ZNF385D: variants seen among roughly 807,000 people sequenced by gnomAD.
ZNF385D encodes zinc finger protein 385D.
Under a neutral mutation model 35.8 loss-of-function variants are expected in ZNF385D, and 15 were observed. That is an observed-to-expected ratio of 0.42 (90% CI 0.28 to 0.64). The LOEUF is 0.64. ZNF385D is among the 30% of genes least tolerant of loss of function. The pLI, the probability that ZNF385D is intolerant of heterozygous loss-of-function variation, is 0.23. For synonymous variants in ZNF385D, 212 were observed against 186.8 expected (o/e 1.13, Z -1.10); for missense variants, 474 against 494.6 (o/e 0.96, Z 0.39).
intron 3 of ZNF385D, among the ~76,000 whole-genome samples, chr3:22,097,613 G>A (rs1488556949): frequency 6.6e-6 from 1 of 151,994 alleles, no homozygotes; most frequent in Non-Finnish European, 1.5e-5. Context: ...AATGAGAAAT[G>A]AGAGAACAAG....
chr3:21,690,692 C>T (rs2067254205), intron 1 of ZNF385D, among the ~76,000 whole-genome samples: 1 of 152,142 alleles, frequency 6.6e-6, no homozygotes, highest in Non-Finnish European at 1.5e-5. Context: ...AAAGTATGAT[C>T]CCCAGGCCAG....
chr3:21,454,600 A>G (rs938751660), intron 4 of ZNF385D, among the ~76,000 whole-genome samples: 13 of 152,260 alleles, frequency 8.5e-5, no homozygotes, highest in Middle Eastern at 6.8e-3. Flanking sequence ...CAAAATAATA[A>G]GAGCTATTTA....
chr3:22,141,908 C>T (rs1704527756), intron 3 of ZNF385D, among the ~76,000 whole-genome samples: 2 of 152,188 alleles, frequency 1.3e-5, no homozygotes, highest in Admixed American at 1.3e-4. Context: ...TGCCTTGTGG[C>T]ATTTTATTGC....
At chr3:21,906,074 G>A (rs999545737) in intron 3 of ZNF385D, among the ~76,000 whole-genome samples, 3 of 152,084 alleles carry the variant, frequency 2.0e-5, no homozygotes, top group African/African-American at 4.8e-5. Flanking sequence ...TTAAACTTCC[G>A]CATATCCATC....
At chr3:22,294,421 AAT>A (rs1238191461) in intron 2 of ZNF385D, among the ~76,000 whole-genome samples, 2 of 152,080 alleles carry the variant, frequency 1.3e-5, no homozygotes. Context: ...TTATTTCATT[AAT>A]ATGTTATAAT....
chr3:21,707,874 G>C (rs925900942), intron 1 of ZNF385D, among the ~76,000 whole-genome samples: 3 of 152,180 alleles, frequency 2.0e-5, no homozygotes, highest in African/African-American at 7.2e-5. Flanking sequence ...TGAGAAGTGA[G>C]TAAGCAGGAT....
At chr3:21,456,931 C>G (rs969573756) in intron 4 of ZNF385D, among the ~76,000 whole-genome samples, 2 of 152,034 alleles carry the variant, frequency 1.3e-5, no homozygotes, top group Non-Finnish European at 2.9e-5. Context: ...CCCTTTATCT[C>G]CCTTGCCTTT....
At chr3:21,751,499 C>T (rs2070084891), upstream of ZNF385D, 7 of 967,478 alleles carry the variant, frequency 7.2e-6, no homozygotes, top group Non-Finnish European at 8.6e-6. Flanking sequence ...ACTTTTACCC[C>T]GCCCCTCCTG....
At chr3:21,802,159 C>G (rs766154530) in intron 3 of ZNF385D, among the ~76,000 whole-genome samples, 1 of 151,972 alleles carries the variant, frequency 6.6e-6, no homozygotes, top group Non-Finnish European at 1.5e-5. Context: ...AATGGCTCAT[C>G]AAATTAATGT....
chr3:22,178,525 T>G (rs1694991664), intron 2 of ZNF385D, among the ~76,000 whole-genome samples: 1 of 152,230 alleles, frequency 6.6e-6, no homozygotes, highest in African/African-American at 2.4e-5. Context: ...TCTCCCATTC[T>G]GTAGGTTGCC....
chr3:21,756,471 G>A (rs1007474614), intron 3 of ZNF385D, among the ~76,000 whole-genome samples: 1 of 152,044 alleles, frequency 6.6e-6, no homozygotes, highest in Non-Finnish European at 1.5e-5. Context: ...AAGTAGAAAT[G>A]TTTCATAGTA....
chr3:22,079,718 T>A (rs1426729379), intron 3 of ZNF385D, among the ~76,000 whole-genome samples: 2 of 152,064 alleles, frequency 1.3e-5, no homozygotes, highest in Non-Finnish European at 2.9e-5. Flanking sequence ...TTTGTATCAT[T>A]TTCTCTTTGA....
At chr3:21,730,537 C>T (rs2068949636) in intron 1 of ZNF385D, among the ~76,000 whole-genome samples, 1 of 152,180 alleles carries the variant, frequency 6.6e-6, no homozygotes, top group Non-Finnish European at 1.5e-5. Flanking sequence ...CAGTTTAGAG[C>T]ATCTACTAAG....
chr3:22,079,379 A>T (rs1700627362), intron 3 of ZNF385D, among the ~76,000 whole-genome samples: 1 of 151,970 alleles, frequency 6.6e-6, no homozygotes, highest in African/African-American at 2.4e-5. Flanking sequence ...CATTAATTAT[A>T]TAATTAATAT....
Position 22,245,546 on chromosome 3 carries a change from G to T in ZNF385D, c.107-76511C>A, listed in dbSNP as rs930818631. 4.0e-5 allele frequency among the ~76,000 whole-genome samples: 6 copies of T among 150,546 alleles called. No individual in the cohort carries two copies. The South Asian group carries it at 1.3e-3, about 32-fold the overall frequency. On this transcript the variant is annotated intron_variant, in intron 2 of 5. Transcript: ENST00000494108. ...GGGAGCGCATTTCCTATTCCTATTTGATTCTCCTTAATTGGTATTTTAAAG... is the reference window on the plus strand; with the variant it reads ...GGGAGCGCATTTCCTATTCCTATTTTATTCTCCTTAATTGGTATTTTAAAG...
At chr3:22,111,736 T>G (rs1215057527) in intron 3 of ZNF385D, among the ~76,000 whole-genome samples, 1 of 152,178 alleles carries the variant, frequency 6.6e-6, no homozygotes, top group African/African-American at 2.4e-5. Context: ...TTTTATTTAT[T>G]TTCTCTTTTA....
chr3:21,963,490 A>G (rs1702711452), intron 3 of ZNF385D, among the ~76,000 whole-genome samples: 1 of 152,240 alleles, frequency 6.6e-6, no homozygotes, highest in Non-Finnish European at 1.5e-5. Flanking sequence ...ATTGCCTAAG[A>G]TTCTGAACAT....
At chr3:22,101,598 C>T (rs574576605) in intron 3 of ZNF385D, among the ~76,000 whole-genome samples, 11 of 152,082 alleles carry the variant, frequency 7.2e-5, no homozygotes, top group Admixed American at 5.9e-4. Flanking sequence ...AGACTTGGGA[C>T]AGCAAAATAG....
intron 4 of ZNF385D, among the ~76,000 whole-genome samples, chr3:21,467,959 A>G (rs1461492179): frequency 6.6e-6 from 1 of 152,228 alleles, no homozygotes; most frequent in East Asian, 1.9e-4. Flanking sequence ...AAAAATAGGT[A>G]CAAATAAGAC....
Sources: gnomAD v4.1 joint callset for allele counts (sites outside exome capture counted in the v4.1 genomes callset) on GRCh38, gnomAD v4.1.1 for gene constraint, MANE v1.5 for transcripts, NCBI Gene and HGNC (gene_info 2026-07-23, HGNC 2026-07-21) for gene names.